ZNF211: variants seen among roughly 807,000 people sequenced by gnomAD.
ZNF211 encodes zinc finger protein C2H2-25.
ZNF211 carries 18 observed loss-of-function variants against 12.1 expected under a neutral mutation model. The ratio of observed to expected loss-of-function variants is 1.48; its 90% CI spans 1.03 to 2.20. The LOEUF (loss-of-function observed/expected upper bound fraction) is 2.20. Among genes scored for constraint, ZNF211 ranks in the 30% most tolerant of loss-of-function variants. The pLI, the probability that ZNF211 is intolerant of heterozygous loss-of-function variation, is 0.00. For missense variants in ZNF211, 677 were observed against 703.1 expected (o/e 0.96, Z 0.42); for synonymous variants, 249 against 246.0 (o/e 1.01, Z -0.11).
intron 3 of ZNF211, among the ~76,000 whole-genome samples, chr19:57,637,690 A>T (rs1356465182): frequency 6.6e-6 from 1 of 152,150 alleles, no homozygotes; most frequent in African/African-American, 2.4e-5. Context: ...ATCATCAAGG[A>T]TATTGGTCTG....
chr19:57,637,195 A>G (rs1021384256), intron 3 of ZNF211, among the ~76,000 whole-genome samples: 1 of 149,920 alleles, frequency 6.7e-6, no homozygotes, highest in African/African-American at 2.5e-5. Context: ...CCTAATTGCT[A>G]TGTTGAACAG....
At position 57,633,267 on chromosome 19, in the gene ZNF211, A is replaced by C. The variant is rs542451879; in HGVS notation, c.-80A>C. On this transcript the variant is annotated 5_prime_UTR_variant, in exon 1 of 4. Transcript: ENST00000240731. The stretch of plus-strand genomic sequence containing the variant: ...CTTTGGTACGCTGCATCGGGATCGA[A>C]GTGACGGACCGTGAAGGCGCGAGAG... 143 of 1,326,414 alleles carry C rather than the reference A, an allele frequency of 1.1e-4. No homozygotes were observed. Among genetic ancestry groups the C allele is most frequent in the Non-Finnish European group, 1.4e-4 (138 of 994,078 alleles). The allele number at this position is 1,326,414 out of a possible 1,614,324, so 82.2% of individuals were successfully genotyped here.
intron 1 of ZNF211, chr19:57,633,720 G>T (rs953744095): frequency 6.5e-7 from 1 of 1,533,474 alleles, no homozygotes; most frequent in Non-Finnish European, 8.7e-7. Flanking sequence ...TAGGGCCGTG[G>T]GAGCCATAGA....
chr19:57,637,721 A>G (rs1456255074), intron 3 of ZNF211, among the ~76,000 whole-genome samples: 2 of 152,064 alleles, frequency 1.3e-5, no homozygotes, highest in African/African-American at 4.8e-5. Context: ...TTCTTACACA[A>G]TCTTTGTGTC....
chr19:57,633,477 T>C (rs777749679), intron 1 of ZNF211, 41 bp downstream of exon 1: 94 of 1,556,804 alleles, frequency 6.0e-5, no homozygotes, highest in Non-Finnish European at 7.9e-5. Flanking sequence ...GCCGAGATTC[T>C]TAAGTCCCAA....
chr19:57,636,765 A>G (rs1982198470), intron 3 of ZNF211, among the ~76,000 whole-genome samples: 1 of 152,156 alleles, frequency 6.6e-6, no homozygotes, highest in African/African-American at 2.4e-5. Flanking sequence ...TTGGATTTTG[A>G]TAGGTATCGC....
intron 3 of ZNF211, among the ~76,000 whole-genome samples, chr19:57,635,592 A>G (rs1982028182): frequency 6.6e-6 from 1 of 152,216 alleles, no homozygotes; most frequent in Non-Finnish European, 1.5e-5. Flanking sequence ...TTAAGGCTGA[A>G]TAATATTCTT....
At chr19:57,634,125 A>G (rs1981833748) in intron 2 of ZNF211, 64 bp downstream of exon 2, 10 of 1,479,898 alleles carry the variant, frequency 6.8e-6, no homozygotes, top group Non-Finnish European at 9.0e-7. Context: ...CCAGACAGAT[A>G]TTTTCTTTAG....
At chr19:57,637,455 A>G (rs550324041) in intron 3 of ZNF211, among the ~76,000 whole-genome samples, 23 of 152,200 alleles carry the variant, frequency 1.5e-4, no homozygotes, top group South Asian at 4.1e-4. Flanking sequence ...GGGTCTTGCT[A>G]TGTTACACAG....
Position 57,641,607 on chromosome 19 carries a change from G to C in ZNF211, c.1160G>C (p.Cys387Ser). The C allele has an allele frequency of 6.2e-7, 1 of 1,613,418 alleles. No individual in the cohort carries two copies. Among genetic ancestry groups the C allele is most frequent in the Non-Finnish European group, 8.5e-7 (1 of 1,179,538 alleles). Reference protein sequence around the residue: ...TGERPYECSECGKSFSQNFSL... With the variant: ...TGERPYECSESGKSFSQNFSL... ...GAAAGGCCTTATGAATGCAGCGAAT[G>C]TGGGAAATCTTTTAGCCAAAACTTT... Residue 387 changes from cysteine to serine, a missense_variant, in exon 4 of 4, where the codon TGT (cysteine) becomes TCT (serine). Cys to Ser is a moderately radical substitution (Grantham distance 112). Coordinates refer to ENST00000240731, the MANE Select transcript of ZNF211 (RefSeq NM_006385.5).
In ZNF211 at chr19:57,643,732, A is replaced by C. The variant is rs74817229; in HGVS notation, c.*1551A>C. 0.048 allele frequency among the ~76,000 whole-genome samples: 7,287 copies of C among 152,214 alleles called. 190 individuals are homozygous for C. Among genetic ancestry groups the C allele is most frequent in the South Asian group, 0.099 (476 of 4,820 alleles). ...ATATCAGTCACCTCGGATTTACCTC[A>C]GGCCTTTTTCTAAGCTCTCCCTCCC... On this transcript the variant is annotated 3_prime_UTR_variant, in exon 4 of 4. Coordinates refer to ENST00000240731, the MANE Select transcript of ZNF211 (RefSeq NM_006385.5).
intron 3 of ZNF211, among the ~76,000 whole-genome samples, chr19:57,635,300 C>T (rs1981994798): frequency 6.6e-6 from 1 of 152,164 alleles, no homozygotes; most frequent in African/African-American, 2.4e-5. Context: ...GTATATAGTT[C>T]AGCGCATTTA....
In ZNF211 at chr19:57,644,020, A is replaced by G. The variant is rs1983252053; in HGVS notation, c.*1839A>G. On this transcript the variant is annotated 3_prime_UTR_variant, in exon 4 of 4. Transcript: ENST00000240731. ...GGTTTTATCTAGTTTTGGCTATTAC[A>G]AATAAAGCTGCTAGAAATGTACAAT... 6.6e-6 allele frequency among the ~76,000 whole-genome samples: 1 copy of G among 152,168 alleles called. No homozygotes were observed. Among genetic ancestry groups the G allele is most frequent in the Non-Finnish European group, 1.5e-5 (1 of 68,038 alleles).
chr19:57,633,358 C>T lies in ZNF211; in HGVS notation c.12C>T (p.Phe4=). Residue 4 remains phenylalanine (F), a synonymous_variant, in exon 1 of 4, where the codon TTC becomes TTT. Coordinates refer to ENST00000240731, the MANE Select transcript of ZNF211 (RefSeq NM_006385.5). MLG[F]PPGRPQLPVQ... Reference sequence around the variant, plus strand: ...GCCTGGGGATAGCGATGCTCGGGTTCCCCCCGGGTCGCCCGCAGCTCCCGG... The same window carrying T: ...GCCTGGGGATAGCGATGCTCGGGTTTCCCCCGGGTCGCCCGCAGCTCCCGG... 6.3e-7 allele frequency: 1 copy of T among 1,592,526 alleles called. No homozygotes were observed. Among genetic ancestry groups the T allele is most frequent in the Non-Finnish European group, 8.5e-7 (1 of 1,172,694 alleles).
At chr19:57,637,493 G>A (rs865928726) in intron 3 of ZNF211, among the ~76,000 whole-genome samples, 3 of 152,058 alleles carry the variant, frequency 2.0e-5, no homozygotes, top group East Asian at 1.9e-4. Context: ...GGCCGCAAGC[G>A]ATCCTCCTGC....
chr19:57,640,161 CTTAACAGT>C, intron 3 of ZNF211: 1 of 1,360,576 alleles, frequency 7.3e-7, no homozygotes, highest in Non-Finnish European at 9.7e-7. Flanking sequence ...CCTCTTCACT[CTTAACAGT>C]TTACAAACTT....
chr19:57,640,885 C>G lies in ZNF211; in HGVS notation c.438C>G (p.Cys146Trp). ...LHLAEHQGTN[C>W]GQKLHTCGKQ... is the part of the protein sequence containing the mutation. ...TGGCTGAACACCAAGGAACAAACTG[C>G]GGGCAGAAACTACACACATGTGGAA... The change falls in exon 4 of 4, where the codon TGC (cysteine) becomes TGG (tryptophan). Residue 146 changes from cysteine (C) to tryptophan (W), a missense_variant. By Grantham distance (215) the Cys-to-Trp change is radical. Transcript: ENST00000240731. 1 of 1,614,206 alleles carries G rather than the reference C, an allele frequency of 6.2e-7. No individual in the cohort carries two copies. The highest frequency in any genetic ancestry group is 8.5e-7 in the Non-Finnish European group (1 of 1,180,028).
Position 57,633,430 on chromosome 19 carries a change from G to A in ZNF211, c.84G>A (p.Pro28=). The part of the protein sequence containing the change: ...QTRMATALRD[P]ASVPIATEVL... ...GGATGGCGACCGCACTGAGGGACCC[G>A]GCTTCGGTGAGCGCTGCGATCTCCG... is the stretch of plus-strand genomic sequence containing the variant. The change falls in exon 1 of 4, where the codon CCG becomes CCA. Residue 28 remains proline (P), a synonymous_variant. Transcript: ENST00000240731. 1.3e-6 allele frequency: 2 copies of A among 1,598,992 alleles called. No individual in the cohort carries two copies. The highest frequency in any genetic ancestry group is 1.7e-6 in the Non-Finnish European group (2 of 1,177,298).
Position 57,642,198 on chromosome 19 carries a change from C to CA in ZNF211, c.*19dup. On this transcript the variant is annotated 3_prime_UTR_variant, in exon 4 of 4. Coordinates refer to ENST00000240731, the MANE Select transcript of ZNF211 (RefSeq NM_006385.5). ...AAGCCTTAGCTGTACTGAGAATATG[C>CA]AATTTCCTTTTAGTGTAATTATACT... 1 of 1,570,150 alleles carries CA rather than the reference C, an allele frequency of 6.4e-7. No individual in the cohort carries two copies. The highest frequency in any genetic ancestry group is 8.6e-7 in the Non-Finnish European group (1 of 1,157,990).
Sources: gnomAD v4.1 joint callset for allele counts (sites outside exome capture counted in the v4.1 genomes callset) on GRCh38, gnomAD v4.1.1 for gene constraint, MANE v1.5 for transcripts, NCBI Gene and HGNC (gene_info 2026-07-23, HGNC 2026-07-21) for gene names.